TRAPPC9: variants seen among roughly 807,000 people sequenced by gnomAD.
The protein encoded by TRAPPC9 is trafficking protein particle complex subunit 9, also known as IKK2 binding protein.
In TRAPPC9, 83 loss-of-function variants were observed where a neutral mutation model predicts 124.0. The ratio of observed to expected loss-of-function variants is 0.67; its 90% CI spans 0.56 to 0.80. The LOEUF (loss-of-function observed/expected upper bound fraction) is 0.80, where lower values mean the gene tolerates loss of function less well. Ranked by LOEUF, TRAPPC9 falls within the 30% of genes least tolerant of loss-of-function variation. TRAPPC9 has a pLI of 0.00. For synonymous variants in TRAPPC9, 638 were observed against 617.5 expected, an observed-to-expected ratio of 1.03 and a Z score of -0.49; for missense variants, 1,302 against 1,508.3, an observed-to-expected ratio of 0.86 and a Z score of 2.27.
intron 19 of TRAPPC9, among the ~76,000 whole-genome samples, chr8:139,972,873 G>A (rs927182943): frequency 3.3e-5 from 5 of 152,182 alleles, no homozygotes; most frequent in Admixed American, 3.3e-4. Context: ...CGGAGTTCCA[G>A]TTCCCCACAG....
intron 17 of TRAPPC9, among the ~76,000 whole-genome samples, chr8:140,045,029 G>C (rs1015994653): frequency 1.3e-5 from 2 of 152,148 alleles, no homozygotes; most frequent in Non-Finnish European, 2.9e-5. Flanking sequence ...CAGAATGAAG[G>C]CATAGAACTT....
At chr8:140,030,009 A>T (rs1395451986) in intron 17 of TRAPPC9, among the ~76,000 whole-genome samples, 1 of 152,208 alleles carries the variant, frequency 6.6e-6, no homozygotes. Flanking sequence ...CCATATTAAT[A>T]AGCTATTGAC....
chr8:140,166,173 C>A lies in TRAPPC9; in HGVS notation c.2556+55286G>T, dbSNP rs146920255. Among the ~76,000 whole-genome samples the A allele has an allele frequency of 7.2e-3, 1,093 of 152,352 alleles. 8 individuals are homozygous for A. Among genetic ancestry groups the A allele is most frequent in the South Asian group, 0.028 (136 of 4,822 alleles). Reference sequence around the variant, plus strand: ...ATGACCGAAAGCTCCCCAAAATCAACCCCTGTGCAATAACGCATGCCCATC... The same window carrying A: ...ATGACCGAAAGCTCCCCAAAATCAAACCCTGTGCAATAACGCATGCCCATC... On this transcript the variant is annotated intron_variant, in intron 17 of 22. Coordinates refer to ENST00000438773, the MANE Select transcript of TRAPPC9 (RefSeq NM_001160372.4).
rs771922006 is a variant in TRAPPC9, at chr8:140,371,193, G to C, written c.1135-13C>G. The C allele has an allele frequency of 1.2e-6, 2 of 1,600,654 alleles. No individual in the cohort carries two copies. Among genetic ancestry groups the C allele is most frequent in the Non-Finnish European group, 8.5e-7 (1 of 1,173,118 alleles). ...CTTCCTCAGAAAGCTGAAGCACAGA[G>C]AGAAAGTAAAAAGCTTTTGAAAGAA... On this transcript the variant is annotated splice_polypyrimidine_tract_variant and intron_variant, in intron 7 of 22. Coordinates refer to ENST00000438773, the MANE Select transcript of TRAPPC9 (RefSeq NM_001160372.4).
At chr8:139,963,046 T>C (rs1480348391) in intron 19 of TRAPPC9, among the ~76,000 whole-genome samples, 1 of 152,202 alleles carries the variant, frequency 6.6e-6, no homozygotes. Context: ...TGTGATAATT[T>C]GTTACAGCAG....
intron 20 of TRAPPC9, among the ~76,000 whole-genome samples, chr8:139,887,665 C>G (rs549820328): frequency 6.6e-6 from 1 of 152,314 alleles, no homozygotes; most frequent in East Asian, 1.9e-4. Flanking sequence ...GACTTTATAT[C>G]TCAACCTGAC....
intron 20 of TRAPPC9, among the ~76,000 whole-genome samples, chr8:139,909,154 C>T (rs1005533897): frequency 7.9e-5 from 12 of 152,140 alleles, no homozygotes; most frequent in Non-Finnish European, 1.3e-4. Context: ...GACCACACAA[C>T]GGAGCAACGT....
At chr8:140,001,070 A>C (rs1427710311) in intron 18 of TRAPPC9, among the ~76,000 whole-genome samples, 1 of 152,244 alleles carries the variant, frequency 6.6e-6, no homozygotes, top group African/African-American at 2.4e-5. Context: ...GGATGAGTTT[A>C]TGTCCTTTTC....
intron 10 of TRAPPC9, among the ~76,000 whole-genome samples, chr8:140,310,947 C>T (rs1438133261): frequency 6.6e-6 from 1 of 151,932 alleles, no homozygotes; most frequent in Admixed American, 6.6e-5. Context: ...GACTGGTTTC[C>T]ACCACGGTGT....
At chr8:140,423,293 A>C (rs1160644613) in intron 5 of TRAPPC9, among the ~76,000 whole-genome samples, 1 of 152,044 alleles carries the variant, frequency 6.6e-6, no homozygotes, top group Non-Finnish European at 1.5e-5. Flanking sequence ...AAAAAAAATT[A>C]GCCAGGCATG....
At chr8:140,077,468 G>A (rs1843574863) in intron 17 of TRAPPC9, among the ~76,000 whole-genome samples, 1 of 152,120 alleles carries the variant, frequency 6.6e-6, no homozygotes, top group Admixed American at 6.5e-5. Context: ...CAAGGCAGGT[G>A]TGACCAGATG....
chr8:140,256,296 A>G (rs1012839825), intron 15 of TRAPPC9, among the ~76,000 whole-genome samples: 1 of 152,250 alleles, frequency 6.6e-6, no homozygotes, highest in African/African-American at 2.4e-5. Context: ...TCTGTCTCCA[A>G]ATGGGAAAAG....
intron 21 of TRAPPC9, among the ~76,000 whole-genome samples, chr8:139,762,598 T>C (rs929396629): frequency 9.2e-5 from 14 of 152,222 alleles, no homozygotes; most frequent in African/African-American, 3.1e-4. Flanking sequence ...AGAAAAGGTA[T>C]GGTAAAAATA....
intron 17 of TRAPPC9, among the ~76,000 whole-genome samples, chr8:140,163,272 A>C (rs1167117986): frequency 6.6e-6 from 1 of 152,062 alleles, no homozygotes; most frequent in Non-Finnish European, 1.5e-5. Flanking sequence ...TGACTTTCAA[A>C]GCCAAATTCC....
At chr8:140,272,095 TGAG>T (rs2064915375) in intron 15 of TRAPPC9, among the ~76,000 whole-genome samples, 1 of 58,780 alleles carries the variant, frequency 1.7e-5, no homozygotes, top group Admixed American at 1.4e-4. Flanking sequence ...GTGTTGATGA[TGAG>T]GTGATTGTGG....
chr8:139,894,730 C>T (rs1249853533), intron 20 of TRAPPC9, among the ~76,000 whole-genome samples: 2 of 152,320 alleles, frequency 1.3e-5, no homozygotes, highest in South Asian at 2.1e-4. Context: ...ACGTGTGTGC[C>T]GTGCTGGCAA....
Position 139,856,313 on chromosome 8 carries a change from C to T in TRAPPC9, c.3055+29566G>A, listed in dbSNP as rs188893213. ...AGCCTTTGGCCACCTCTCCCTGCAA[C>T]CACCTCAGGGTCAAGGCCAACCCTC... On this transcript the variant is annotated intron_variant, in intron 21 of 22. Coordinates refer to ENST00000438773, the MANE Select transcript of TRAPPC9 (RefSeq NM_001160372.4). Among the ~76,000 whole-genome samples the T allele has an allele frequency of 5.3e-5, 8 of 152,118 alleles. No homozygotes were observed. In the South Asian group the frequency reaches 1.0e-3, roughly 20 times the overall value.
intron 21 of TRAPPC9, among the ~76,000 whole-genome samples, chr8:139,828,824 C>T (rs1825796936): frequency 1.3e-5 from 2 of 152,286 alleles, no homozygotes; most frequent in East Asian, 1.9e-4. Context: ...TGAATCTCAG[C>T]ATGAAACCAA....
At chr8:140,315,024 C>T (rs1390764275) in intron 9 of TRAPPC9, among the ~76,000 whole-genome samples, 2 of 152,188 alleles carry the variant, frequency 1.3e-5, no homozygotes, top group African/African-American at 4.8e-5. Flanking sequence ...TACTGTTTAA[C>T]ATAATGGCCG....
Sources: gnomAD v4.1 joint callset for allele counts (sites outside exome capture counted in the v4.1 genomes callset) on GRCh38, gnomAD v4.1.1 for gene constraint, MANE v1.5 for transcripts, NCBI Gene and HGNC (gene_info 2026-07-23, HGNC 2026-07-21) for gene names.